SLC25A33: variants seen among roughly 807,000 people sequenced by gnomAD.
The protein encoded by SLC25A33 is solute carrier family 25 member 33.
In SLC25A33, 15 loss-of-function variants were observed where a neutral mutation model predicts 35.5. The ratio of observed to expected loss-of-function variants is 0.42; its 90% CI spans 0.28 to 0.65. SLC25A33 has a LOEUF of 0.65. SLC25A33 is among the 30% of genes least tolerant of loss of function. The pLI is 0.20. For synonymous variants in SLC25A33, 136 were observed against 148.7 expected (o/e 0.91, Z 0.62); for missense variants, 257 against 398.5 (o/e 0.64, Z 3.02).
chr1:9,549,525 G>A (rs1643232055), intron 1 of SLC25A33, among the ~76,000 whole-genome samples: 1 of 151,882 alleles, frequency 6.6e-6, no homozygotes. Context: ...AACTGATGGT[G>A]GGATCAATGG....
intron 1 of SLC25A33, among the ~76,000 whole-genome samples, chr1:9,550,984 A>G (rs1005653496): frequency 1.3e-5 from 2 of 152,024 alleles, no homozygotes; most frequent in East Asian, 1.9e-4. Context: ...GGCCACTTCT[A>G]TCTTTTTAAA....
At chr1:9,570,432 A>G in intron 4 of SLC25A33, 74 bp downstream of exon 4, 2 of 1,297,918 alleles carry the variant, frequency 1.5e-6, no homozygotes, top group Non-Finnish European at 2.2e-6. Context: ...CAGTTTTTCC[A>G]GGAATTAGAA....
chr1:9,556,663 TTGTG>T (rs201281155), intron 2 of SLC25A33, among the ~76,000 whole-genome samples: 1 of 151,536 alleles, frequency 6.6e-6, no homozygotes, highest in South Asian at 2.1e-4. Context: ...CCATAAGAGA[TTGTG>T]TGTGTGTCTG....
intron 1 of SLC25A33, among the ~76,000 whole-genome samples, chr1:9,542,053 C>T (rs1470081199): frequency 3.3e-5 from 5 of 152,154 alleles, no homozygotes; most frequent in African/African-American, 1.2e-4. Flanking sequence ...ACCTCGGCCT[C>T]CCAAAGTGCT....
At position 9,570,328 on chromosome 1, in the gene SLC25A33, A is replaced by G. The variant is rs746788560; in HGVS notation, c.385A>G (p.Ile129Val). Reference sequence around the variant, plus strand: ...TGGCATTTTCGTGCCTAACAGCAATATTGTGCATATTTTCTCAGCTGGCTC... The same window carrying G: ...TGGCATTTTCGTGCCTAACAGCAATGTTGTGCATATTTTCTCAGCTGGCTC... ...FNGIFVPNSN[I>V]VHIFSAGSAA... Residue 129 changes from isoleucine to valine, a missense_variant, in exon 4 of 7, where the codon ATT becomes GTT. By Grantham distance (29) the Ile-to-Val change is conservative. Coordinates refer to ENST00000302692, the MANE Select transcript of SLC25A33 (RefSeq NM_032315.3). 6 of 1,614,062 alleles carry G rather than the reference A, an allele frequency of 3.7e-6. No individual in the cohort carries two copies. Among genetic ancestry groups the G allele is most frequent in the Non-Finnish European group, 3.4e-6 (4 of 1,179,998 alleles).
chr1:9,563,167 G>A (rs1253628743), intron 2 of SLC25A33, among the ~76,000 whole-genome samples: 5 of 151,956 alleles, frequency 3.3e-5, no homozygotes, highest in African/African-American at 9.7e-5. Context: ...CTCGTGATCC[G>A]CCCGCCTCGG....
At chr1:9,562,431 G>A (rs137993616) in intron 2 of SLC25A33, among the ~76,000 whole-genome samples, 1,802 of 152,074 alleles carry the variant, frequency 0.012, 30 homozygotes, top group Admixed American at 0.036. Flanking sequence ...CAGCAGAATT[G>A]CTTGAACCCA....
intron 1 of SLC25A33, among the ~76,000 whole-genome samples, chr1:9,543,446 G>A (rs1223337294): frequency 6.6e-6 from 1 of 152,164 alleles, no homozygotes; most frequent in Non-Finnish European, 1.5e-5. Flanking sequence ...GCCCAGTCCT[G>A]TCATTCCTTT....
intron 1 of SLC25A33, among the ~76,000 whole-genome samples, chr1:9,542,395 A>G (rs886776465): frequency 2.6e-5 from 4 of 152,210 alleles, no homozygotes; most frequent in Admixed American, 2.6e-4. Context: ...CTGTCTTGGC[A>G]GCAATTGGAG....
chr1:9,556,059 G>A (rs1643338142), intron 2 of SLC25A33: 1 of 291,212 alleles, frequency 3.4e-6, no homozygotes, highest in African/African-American at 2.3e-5. Flanking sequence ...GGTGGGTACA[G>A]GAGGGACAGA....
chr1:9,574,629 A>G (rs1204575834), intron 5 of SLC25A33, among the ~76,000 whole-genome samples: 1 of 152,226 alleles, frequency 6.6e-6, no homozygotes, highest in Non-Finnish European at 1.5e-5. Context: ...CGTAATGAAT[A>G]CAATTAACCC....
chr1:9,575,303 G>A (rs1392439576), intron 5 of SLC25A33, among the ~76,000 whole-genome samples: 1 of 151,460 alleles, frequency 6.6e-6, no homozygotes, highest in Non-Finnish European at 1.5e-5. Context: ...AGTCCACTCT[G>A]ATTTTCAGCT....
At chr1:9,560,799 A>G (rs1302697268) in intron 2 of SLC25A33, among the ~76,000 whole-genome samples, 1 of 152,016 alleles carries the variant, frequency 6.6e-6, no homozygotes, top group Non-Finnish European at 1.5e-5. Flanking sequence ...CAAAAAGGCA[A>G]TATGTTAACA....
intron 2 of SLC25A33, among the ~76,000 whole-genome samples, chr1:9,564,739 A>AATATATATATATATATATATATATATAT (rs70979762): frequency 1.0e-5 from 1 of 96,538 alleles, no homozygotes; most frequent in Non-Finnish European, 2.0e-5. Context: ...AAAAAAAAAA[A>AATATATATATATATATATATATATATAT]ATATATATAT....
chr1:9,569,731 A>G (rs1003979346), intron 3 of SLC25A33, among the ~76,000 whole-genome samples: 1 of 152,158 alleles, frequency 6.6e-6, no homozygotes, highest in Admixed American at 6.6e-5. Context: ...GTGAAGAGAA[A>G]ACAAGGGTGA....
intron 1 of SLC25A33, 120 bp downstream of exon 1, chr1:9,539,867 G>C: frequency 1.0e-6 from 1 of 957,974 alleles, no homozygotes; most frequent in Non-Finnish European, 1.3e-6. Context: ...CGGCGCCGGC[G>C]CTCGGGAGGA....
rs569630364 is a variant in SLC25A33, at chr1:9,583,391, A to T, written c.*890A>T. 2 of 152,194 alleles carry T rather than the reference A, an allele frequency of 1.3e-5. No homozygotes were observed. The highest frequency in any genetic ancestry group is 3.8e-4 in the East Asian group (2 of 5,204). The allele number at this position is 152,194 out of a possible 1,614,324, so 9.4% of individuals were successfully genotyped here. A position where few individuals can be genotyped will look rare whatever the true frequency, so the allele number is the denominator to read the frequency against. On this transcript the variant is annotated 3_prime_UTR_variant, in exon 7 of 7. Coordinates refer to ENST00000302692, the MANE Select transcript of SLC25A33 (RefSeq NM_032315.3). ...GAGACTCAATATTTTAAGCTATAAAAAACTTCCTGAAGTTATCCTTTTCTC... is the reference window on the plus strand; with the variant it reads ...GAGACTCAATATTTTAAGCTATAAATAACTTCCTGAAGTTATCCTTTTCTC...
chr1:9,568,345 G>A (rs961946145), intron 3 of SLC25A33, among the ~76,000 whole-genome samples: 1 of 152,198 alleles, frequency 6.6e-6, no homozygotes, highest in Non-Finnish European at 1.5e-5. Flanking sequence ...GGAGGCTGAG[G>A]CAGGAGAATT....
chr1:9,570,181 A>T, intron 3 of SLC25A33, 77 bp from the exon 4 acceptor site: 4 of 1,342,154 alleles, frequency 3.0e-6, no homozygotes, highest in Non-Finnish European at 4.2e-6. Context: ...TTTTCCGAAA[A>T]TTTTTCAGGT....
Sources: allele counts gnomAD v4.1 joint callset (sites outside exome capture counted in the v4.1 genomes callset), GRCh38; gene constraint gnomAD v4.1.1; transcripts MANE v1.5; gene names NCBI Gene and HGNC (gene_info 2026-07-23, HGNC 2026-07-21).